Variants in ITGA8 observed in about 807,000 individuals in gnomAD.
ITGA8 encodes the protein integrin subunit alpha 8, also known as integrin alpha-8.
Under a neutral mutation model 142.3 loss-of-function variants are expected in ITGA8, and 91 were observed. The ratio of observed to expected loss-of-function variants is 0.64; its 90% CI spans 0.54 to 0.76. The LOEUF is 0.76. ITGA8 is among the 30% of genes least tolerant of loss of function. The pLI is 0.00. For synonymous variants in ITGA8, 505 were observed against 485.2 expected, an observed-to-expected ratio of 1.04 and a Z score of -0.54; for missense variants, 1,406 against 1,327.7, an observed-to-expected ratio of 1.06 and a Z score of -0.92.
At chr10:15,540,803 G>T (rs1437087701) in intron 27 of ITGA8, among the ~76,000 whole-genome samples, 1 of 152,146 alleles carries the variant, frequency 6.6e-6, no homozygotes, top group Non-Finnish European at 1.5e-5. Flanking sequence ...ACCTGGTATA[G>T]ACAGGATGAA....
At chr10:15,585,879 A>T (rs1832819701) in intron 23 of ITGA8, among the ~76,000 whole-genome samples, 1 of 152,108 alleles carries the variant, frequency 6.6e-6, no homozygotes, top group Admixed American at 6.5e-5. Flanking sequence ...TTAGTCATTT[A>T]TTAAACTCCA....
chr10:15,567,739 G>A (rs1477501374), intron 25 of ITGA8, among the ~76,000 whole-genome samples: 2 of 152,088 alleles, frequency 1.3e-5, no homozygotes, highest in Non-Finnish European at 2.9e-5. Context: ...TGGGCCCTGG[G>A]GACAATTCAC....
chr10:15,558,795 C>T (rs565098935), intron 25 of ITGA8, among the ~76,000 whole-genome samples: 2 of 152,300 alleles, frequency 1.3e-5, no homozygotes, highest in African/African-American at 4.8e-5. Context: ...TGTTTTCAGC[C>T]CTGAGTTCGT....
intron 23 of ITGA8, among the ~76,000 whole-genome samples, chr10:15,586,262 T>C (rs1050127466): frequency 6.6e-6 from 1 of 151,998 alleles, no homozygotes; most frequent in African/African-American, 2.4e-5. Context: ...TTTCACGATG[T>C]TGGCTAGGCT....
intron 2 of ITGA8, among the ~76,000 whole-genome samples, chr10:15,706,086 C>CT (rs1835252608): frequency 6.6e-6 from 1 of 152,132 alleles, no homozygotes; most frequent in African/African-American, 2.4e-5. Flanking sequence ...TCCAAGTGCC[C>CT]ATTCGACATC....
At chr10:15,567,446 A>C (rs1375870035) in intron 25 of ITGA8, among the ~76,000 whole-genome samples, 1 of 152,208 alleles carries the variant, frequency 6.6e-6, no homozygotes, top group African/African-American at 2.4e-5. Context: ...TGGATGCTGC[A>C]GACAGTTGAA....
At chr10:15,562,320 C>T (rs963151714) in intron 25 of ITGA8, among the ~76,000 whole-genome samples, 7 of 152,222 alleles carry the variant, frequency 4.6e-5, no homozygotes, top group African/African-American at 7.2e-5. Flanking sequence ...CTGGCGGCTC[C>T]GTGAACGTGC....
At chr10:15,560,821 T>C (rs983929936) in intron 25 of ITGA8, among the ~76,000 whole-genome samples, 2 of 152,218 alleles carry the variant, frequency 1.3e-5, no homozygotes, top group Non-Finnish European at 2.9e-5. Context: ...GTTAGAGTAG[T>C]GGAGATCCGA....
rs749128340 is a variant in ITGA8 at position 15,592,283 on chromosome 10, C to A, written c.2233G>T (p.Ala745Ser). Residue 745 changes from alanine (A) to serine (S), a missense_variant, in exon 22 of 30, where the codon GCA becomes TCA. By Grantham distance (99) the Ala-to-Ser change is moderately conservative. Transcript: ENST00000378076. ...TTTGTTTTCTCAAGACGTGGAACTG[C>A]AAATCGGAGGCCCAGGGAATACTAA... Reference protein sequence around the residue: ...GTNYSLGLRFAVPRLEKTNMS... With the variant: ...GTNYSLGLRFSVPRLEKTNMS... 3.7e-6 allele frequency: 6 copies of A among 1,613,346 alleles called. 1 individual carries two copies. In the South Asian group the frequency reaches 6.6e-5, roughly 18 times the overall value.
intron 10 of ITGA8, among the ~76,000 whole-genome samples, chr10:15,656,565 T>C (rs1222118748): frequency 6.6e-6 from 1 of 152,072 alleles, no homozygotes; most frequent in Non-Finnish European, 1.5e-5. Flanking sequence ...GGTTTCACCA[T>C]GTTGTCCAGG....
intron 25 of ITGA8, among the ~76,000 whole-genome samples, chr10:15,562,596 C>G (rs7916715): frequency 0.4 from 60,287 of 152,026 alleles, 12,692 homozygotes; most frequent in African/African-American, 0.53. Flanking sequence ...GAAAAATTTT[C>G]TTGAAGAGAA....
intron 28 of ITGA8, among the ~76,000 whole-genome samples, chr10:15,521,143 C>G (rs1833059980): frequency 6.6e-6 from 1 of 152,164 alleles, no homozygotes; most frequent in Non-Finnish European, 1.5e-5. Flanking sequence ...CTTAGCCTCC[C>G]CAGTAGCTGG....
chr10:15,673,689 C>A (rs747828214), intron 6 of ITGA8, among the ~76,000 whole-genome samples: 2 of 152,182 alleles, frequency 1.3e-5, no homozygotes, highest in Non-Finnish European at 2.9e-5. Flanking sequence ...TTTGAGCCAT[C>A]TGCTTTTCTT....
At chr10:15,600,346 C>G (rs989541773) in intron 20 of ITGA8, among the ~76,000 whole-genome samples, 1 of 152,104 alleles carries the variant, frequency 6.6e-6, no homozygotes, top group African/African-American at 2.4e-5. Context: ...TTATTATTGT[C>G]TCAACTATTA....
chr10:15,677,080 C>G (rs1834644088), intron 6 of ITGA8, among the ~76,000 whole-genome samples: 1 of 152,070 alleles, frequency 6.6e-6, no homozygotes, highest in African/African-American at 2.4e-5. Context: ...TACATGGAAG[C>G]TAAAAAAGTT....
chr10:15,522,833 G>A (rs545264393), intron 28 of ITGA8, among the ~76,000 whole-genome samples: 6 of 152,128 alleles, frequency 3.9e-5, no homozygotes, highest in Admixed American at 2.0e-4. Context: ...CCAACATGGT[G>A]AAACTCTGTC....
chr10:15,643,500 G>A (rs1008243914), intron 13 of ITGA8, among the ~76,000 whole-genome samples: 16 of 152,108 alleles, frequency 1.1e-4, no homozygotes, highest in East Asian at 5.8e-4. Context: ...GGCTGGTCTC[G>A]AACTCCTGAC....
intron 9 of ITGA8, among the ~76,000 whole-genome samples, 167 bp from the exon 10 acceptor site, chr10:15,659,222 AAG>A (rs901675123): frequency 1.3e-5 from 2 of 152,170 alleles, no homozygotes; most frequent in Non-Finnish European, 2.9e-5. Flanking sequence ...TAAAAAAAAA[AAG>A]CCGATTAAAG....
rs189286647 is a variant in ITGA8, at chr10:15,555,886, A to G, written c.2766+2188T>C. Among the ~76,000 whole-genome samples, 14 of 150,836 alleles carry G rather than the reference A, an allele frequency of 9.3e-5. 1 individual carries two copies. In the East Asian group the frequency reaches 2.8e-3, roughly 30 times the overall value. Reference sequence around the variant, plus strand: ...AATTTTTTTTGTATTTTTAGTAGAGACGGGGTTTCACCACGCTAACCAGAA... The same window carrying G: ...AATTTTTTTTGTATTTTTAGTAGAGGCGGGGTTTCACCACGCTAACCAGAA... On this transcript the variant is annotated intron_variant, in intron 26 of 29. Transcript: ENST00000378076.
Sources: allele counts gnomAD v4.1 joint callset (sites outside exome capture counted in the v4.1 genomes callset), GRCh38; gene constraint gnomAD v4.1.1; transcripts MANE v1.5; gene names NCBI Gene and HGNC (gene_info 2026-07-23, HGNC 2026-07-21).